Variants in TTN observed in about 807,000 individuals in gnomAD.
TTN encodes titin.
In TTN, 1,525 loss-of-function variants were observed where a neutral mutation model predicts 3,223.0. That is an observed-to-expected ratio of 0.47 (90% CI 0.45 to 0.49). The LOEUF is 0.49. Ranked by LOEUF, TTN falls within the 20% of genes least tolerant of loss-of-function variation. The pLI, the probability that TTN is intolerant of heterozygous loss-of-function variation, is 0.00. For missense variants in TTN, 40,786 were observed against 43,424.0 expected (o/e 0.94, Z 5.40); for synonymous variants, 14,094 against 15,161.0 (o/e 0.93, Z 5.17).
At chr2:178,789,828 T>A in intron 12 of TTN, 150 bp downstream of exon 12, 2 of 940,200 alleles carry the variant, frequency 2.1e-6, no homozygotes, top group Non-Finnish European at 3.2e-6. Context: ...ATAAAATTAA[T>A]GATAATCAGT....
At chr2:178,600,807 A>G (rs1218967240) in intron 288 of TTN, 47 bp downstream of exon 288, 1 of 1,606,616 alleles carries the variant, frequency 6.2e-7, no homozygotes, top group African/African-American at 1.3e-5. Context: ...AACACCTAGG[A>G]AGGCAGCTGT....
chr2:178,652,574 G>T, intron 201 of TTN, 33 bp from the exon 202 acceptor site: 1 of 1,612,392 alleles, frequency 6.2e-7, no homozygotes, highest in East Asian at 2.2e-5. Context: ...ACATTTAGAA[G>T]TTATGAAGAC....
rs781681288 is a variant in TTN at position 178,649,605 on chromosome 2, G to A, written c.39922C>T (p.Pro13308Ser). 5 of 1,550,060 alleles carry A rather than the reference G, an allele frequency of 3.2e-6. No individual in the cohort carries two copies. In the South Asian group the frequency reaches 3.6e-5, roughly 11 times the overall value. Residue 13308 changes from proline (P) to serine (S), a missense_variant, in exon 212 of 363, where the codon CCA becomes TCA. By Grantham distance (74) the Pro-to-Ser change is moderately conservative. Coordinates refer to ENST00000589042, the MANE Select transcript of TTN (RefSeq NM_001267550.2). ...TTAACAGTTGGGACCTTCTTCACTG[G>A]AACAACTTTCTTTGGCATCTCAGGT... ...KEPEMPKKVV[P>S]VKKVPTVKKP...
chr2:178,797,719 G>A (rs1018927986), intron 6 of TTN, among the ~76,000 whole-genome samples: 1 of 152,086 alleles, frequency 6.6e-6, no homozygotes, highest in Non-Finnish European at 1.5e-5. Context: ...GTACCTTGAG[G>A]AGGAGAAAGG....
At chr2:178,758,962 T>G (rs1420820404) in intron 44 of TTN, 22 bp downstream of exon 44, 21 of 1,611,112 alleles carry the variant, frequency 1.3e-5, no homozygotes, top group Admixed American at 3.3e-5. Context: ...TAAATGGGGT[T>G]CTGAAAGTTG....
chr2:178,556,165 C>G (rs1044171176), intron 330 of TTN: 1 of 152,442 alleles, frequency 6.6e-6, no homozygotes, highest in South Asian at 2.1e-4. Flanking sequence ...CATGGTGGCT[C>G]ACACCTGTAA....
rs1249334878 is a variant in TTN at position 178,675,127 on chromosome 2, G to A, written c.34538-14C>T. 38 of 1,528,448 alleles carry A rather than the reference G, an allele frequency of 2.5e-5. No individual in the cohort carries two copies. The highest frequency in any genetic ancestry group is 2.9e-5 in the Non-Finnish European group (33 of 1,136,076). The allele number at this position is 1,528,448 out of a possible 1,614,324, so 94.7% of individuals were successfully genotyped here. ...GCACCTCAGGAACTTGAGAGACATT[G>A]ATTATTTTAGACACTTAAAATGCAA... On this transcript the variant is annotated splice_polypyrimidine_tract_variant and intron_variant, in intron 149 of 362. Transcript: ENST00000589042.
intron 109 of TTN, 83 bp downstream of exon 109, chr2:178,701,957 T>A: frequency 7.6e-7 from 1 of 1,313,818 alleles, no homozygotes; most frequent in Non-Finnish European, 1.1e-6. Flanking sequence ...AGATATCTTA[T>A]ACATTTTAGT....
chr2:178,600,588 A>C, intron 288 of TTN: 1 of 470,128 alleles, frequency 2.1e-6, no homozygotes, highest in Non-Finnish European at 3.9e-6. Flanking sequence ...TTAGCCTCTG[A>C]TAAATAAAAC....
chr2:178,790,932 G>A (rs979047376), intron 10 of TTN, 87 bp from the exon 11 acceptor site: 1 of 1,513,108 alleles, frequency 6.6e-7, no homozygotes, highest in Non-Finnish European at 9.1e-7. Context: ...GGAAAATACA[G>A]GATGCTTAGT....
chr2:178,728,951 T>C lies in TTN; in HGVS notation c.19087A>G (p.Thr6363Ala). The part of the protein sequence containing the change: ...SVDNGHSGRY[T>A]CQAKNESGVE... ...CCTGACTCATTCTTGGCTTGACAGG[T>C]ATATCTCCCACTGTGTCCATTATCC... Residue 6363 changes from threonine to alanine, a missense_variant, in exon 65 of 363, where the codon ACC (threonine) becomes GCC (alanine). By Grantham distance (58) the Thr-to-Ala change is moderately conservative. Coordinates refer to ENST00000589042, the MANE Select transcript of TTN (RefSeq NM_001267550.2). 2 of 1,612,726 alleles carry C rather than the reference T, an allele frequency of 1.2e-6. No homozygotes were observed. Among genetic ancestry groups the C allele is most frequent in the South Asian group, 2.2e-5 (2 of 90,918 alleles).
At chr2:178,617,258 T>TA (rs2057511667) in intron 254 of TTN, 24 bp from the exon 255 acceptor site, 1 of 1,536,710 alleles carries the variant, frequency 6.5e-7, no homozygotes, top group East Asian at 2.4e-5. Flanking sequence ...TTAATATTTG[T>TA]AAAAAACACA....
chr2:178,783,405 A>G (rs1014967985), intron 17 of TTN, among the ~76,000 whole-genome samples: 1 of 152,098 alleles, frequency 6.6e-6, no homozygotes, highest in African/African-American at 2.4e-5. Flanking sequence ...ATTTTCTCTG[A>G]TGGCAAAGAA....
At chr2:178,780,514 T>C (rs1438051668) in intron 21 of TTN, among the ~76,000 whole-genome samples, 1 of 152,240 alleles carries the variant, frequency 6.6e-6, no homozygotes, top group Non-Finnish European at 1.5e-5. Flanking sequence ...TTCCTGAATA[T>C]TGAGTGCTTT....
Position 178,768,604 on chromosome 2 carries a change from T to C in TTN, c.9163+69A>G, listed in dbSNP as rs954565398. The C allele has an allele frequency of 5.0e-6, 8 of 1,606,334 alleles. No individual in the cohort carries two copies. In the Admixed American group the frequency reaches 8.4e-5, roughly 17 times the overall value. The stretch of plus-strand genomic sequence containing the variant: ...CACATTTTATTTATCCATTCATTAA[T>C]TGATACACTAAATTTTATAAAGCAT... On this transcript the variant is annotated intron_variant, in intron 38 of 362. Coordinates refer to ENST00000589042, the MANE Select transcript of TTN (RefSeq NM_001267550.2).
At chr2:178,803,809 C>A (rs1445541943) in intron 2 of TTN, among the ~76,000 whole-genome samples, 1 of 151,604 alleles carries the variant, frequency 6.6e-6, no homozygotes, top group East Asian at 1.9e-4. Context: ...TCATACACTA[C>A]TCTCCATTTT....
In TTN at chr2:178,583,211, G is replaced by T. The variant is rs2048168330; in HGVS notation, c.65592C>A (p.Asp21864Glu). ...GCAAAGATTTCATAGCCACACTCAGGTCTATCCTGGGAGGGACTGGAAAGA... is the reference window on the plus strand; with the variant it reads ...GCAAAGATTTCATAGCCACACTCAGTTCTATCCTGGGAGGGACTGGAAAGA... Reference protein sequence around the residue: ...ILAENVPPRIDLSVAMKSLLT... With the variant: ...ILAENVPPRIELSVAMKSLLT... The change falls in exon 313 of 363, where the codon GAC becomes GAA. Residue 21864 changes from aspartate to glutamate, a missense_variant. Transcript: ENST00000589042. 1 of 1,604,092 alleles carries T rather than the reference G, an allele frequency of 6.2e-7. No homozygotes were observed. The highest frequency in any genetic ancestry group is 8.5e-7 in the Non-Finnish European group (1 of 1,174,086).
intron 130 of TTN, 61 bp from the exon 131 acceptor site, chr2:178,684,810 C>A (rs371304222): frequency 1.3e-6 from 2 of 1,561,640 alleles, no homozygotes; most frequent in African/African-American, 2.7e-5. Context: ...AACACAGGCA[C>A]ACTTATTTTC....
Position 178,768,032 on chromosome 2 carries a change from T to G in TTN, c.9287A>C (p.Glu3096Ala). The G allele has an allele frequency of 1.2e-6, 2 of 1,614,156 alleles. No individual in the cohort carries two copies. Among genetic ancestry groups the G allele is most frequent in the Non-Finnish European group, 1.7e-6 (2 of 1,180,014 alleles). Reference sequence around the variant, plus strand: ...AACTGACCTGTCTGTGATCTGCAGTTCCTGGTCATCTTTCATCCACTGTAC... The same window carrying G: ...AACTGACCTGTCTGTGATCTGCAGTGCCTGGTCATCTTTCATCCACTGTAC... ...ITVQWMKDDQELQITDRIKIQ... is the reference protein window; with the variant it reads ...ITVQWMKDDQALQITDRIKIQ... Residue 3096 changes from glutamate to alanine, a missense_variant, in exon 39 of 363, where the codon GAA becomes GCA. Coordinates refer to ENST00000589042, the MANE Select transcript of TTN (RefSeq NM_001267550.2).
Sources: gnomAD v4.1 joint callset for allele counts (sites outside exome capture counted in the v4.1 genomes callset) on GRCh38, gnomAD v4.1.1 for gene constraint, MANE v1.5 for transcripts, NCBI Gene and HGNC (gene_info 2026-07-23, HGNC 2026-07-21) for gene names.